The following PTPRD variants were observed in gnomAD, a reference collection of about 807,000 sequenced individuals.
PTPRD encodes receptor-type tyrosine-protein phosphatase delta.
A neutral mutation model predicts 214.5 loss-of-function variants in PTPRD; 34 were observed. The observed-to-expected ratio is 0.16, with a 90% confidence interval of 0.12 to 0.21. The LOEUF (loss-of-function observed/expected upper bound fraction) is 0.21, where lower values mean the gene tolerates loss of function less well. Among genes scored for constraint, PTPRD ranks in the 10% least tolerant of loss-of-function variants. PTPRD has a pLI of 1.00. For synonymous variants in PTPRD, 1,128 were observed against 845.7 expected (o/e 1.33, Z -5.79); for missense variants, 2,545 against 2,398.7 (o/e 1.06, Z -1.27).
chr9:9,225,964 T>C (rs1357212655), intron 9 of PTPRD, among the ~76,000 whole-genome samples: 2 of 152,028 alleles, frequency 1.3e-5, no homozygotes. Flanking sequence ...AATATATTTT[T>C]TGTTTTCAGG....
chr9:9,339,572 C>T (rs528118421), intron 9 of PTPRD, among the ~76,000 whole-genome samples: 1 of 152,276 alleles, frequency 6.6e-6, no homozygotes, highest in South Asian at 2.1e-4. Flanking sequence ...ATAGTCCTAA[C>T]TCACAGTTGT....
intron 3 of PTPRD, among the ~76,000 whole-genome samples, chr9:10,124,176 T>C (rs1320497519): frequency 6.6e-6 from 1 of 152,206 alleles, no homozygotes. Context: ...TGATTTGTTA[T>C]ATCATTTGTT....
At chr9:9,776,392 G>A (rs2098799034) in intron 5 of PTPRD, among the ~76,000 whole-genome samples, 1 of 151,742 alleles carries the variant, frequency 6.6e-6, no homozygotes, top group African/African-American at 2.4e-5. Context: ...TCCTGCAATT[G>A]TTGCTTTACT....
intron 9 of PTPRD, among the ~76,000 whole-genome samples, chr9:9,390,200 G>C (rs2065313613): frequency 6.6e-6 from 1 of 152,124 alleles, no homozygotes; most frequent in Non-Finnish European, 1.5e-5. Context: ...AGTGAAAGAG[G>C]AAGATGGAGG....
chr9:8,900,496 G>C (rs1316828461), intron 11 of PTPRD, among the ~76,000 whole-genome samples: 4 of 152,154 alleles, frequency 2.6e-5, no homozygotes, highest in African/African-American at 7.2e-5. Context: ...TTCATTTTCA[G>C]AACTACACTA....
At chr9:10,435,407 CAGAA>C (rs1352338783) in intron 2 of PTPRD, among the ~76,000 whole-genome samples, 1 of 151,796 alleles carries the variant, frequency 6.6e-6, no homozygotes, top group African/African-American at 2.4e-5. Context: ...TTCAATTTCA[CAGAA>C]AGAAATCAAA....
At chr9:8,934,464 A>AATGT (rs1567099049) in intron 11 of PTPRD, among the ~76,000 whole-genome samples, 892 of 11,054 alleles carry the variant, frequency 0.081, 52 homozygotes, top group Non-Finnish European at 0.12. Flanking sequence ...TATATATATA[A>AATGT]ATATATATAT....
intron 11 of PTPRD, among the ~76,000 whole-genome samples, chr9:8,886,991 A>G (rs552656246): frequency 2.0e-5 from 3 of 152,338 alleles, no homozygotes; most frequent in African/African-American, 7.2e-5. Context: ...GGCACTGGAC[A>G]TTGGGCTAAG....
At chr9:9,810,436 G>C (rs534927483) in intron 5 of PTPRD, among the ~76,000 whole-genome samples, 1 of 151,968 alleles carries the variant, frequency 6.6e-6, no homozygotes, top group East Asian at 1.9e-4. Flanking sequence ...GTGACCATAG[G>C]TTGAATCCAA....
intron 12 of PTPRD, among the ~76,000 whole-genome samples, chr9:8,695,464 A>G (rs2097892507): frequency 6.6e-6 from 1 of 151,434 alleles, no homozygotes. Context: ...GGTCAATGTT[A>G]TAGGCAAGCA....
At chr9:8,357,670 G>C (rs1191452971) in intron 39 of PTPRD, among the ~76,000 whole-genome samples, 1 of 152,084 alleles carries the variant, frequency 6.6e-6, no homozygotes, top group East Asian at 1.9e-4. Flanking sequence ...ACGCTATATG[G>C]TGCATCCCTT....
intron 4 of PTPRD, among the ~76,000 whole-genome samples, chr9:9,980,691 C>T (rs1384167654): frequency 2.8e-5 from 3 of 106,632 alleles, no homozygotes; most frequent in Admixed American, 1.1e-4. Flanking sequence ...TCTCTGAAAG[C>T]TTCACAGAAA....
chr9:10,454,594 A>G (rs2098890617), intron 2 of PTPRD, among the ~76,000 whole-genome samples: 1 of 151,672 alleles, frequency 6.6e-6, no homozygotes, highest in Admixed American at 6.6e-5. Flanking sequence ...CTTCCACCTT[A>G]AACATATTCC....
At chr9:8,894,313 C>T (rs1030862338) in intron 11 of PTPRD, among the ~76,000 whole-genome samples, 3 of 112,106 alleles carry the variant, frequency 2.7e-5, no homozygotes, top group Non-Finnish European at 4.5e-5. Flanking sequence ...CAACATCACC[C>T]CACTGCATTC....
intron 5 of PTPRD, among the ~76,000 whole-genome samples, chr9:9,848,432 C>G (rs968691059): frequency 2.0e-5 from 3 of 151,962 alleles, no homozygotes; most frequent in African/African-American, 7.3e-5. Flanking sequence ...TAGAAAAGAA[C>G]AAATAGGGAT....
intron 3 of PTPRD, among the ~76,000 whole-genome samples, chr9:10,043,947 T>A (rs990067802): frequency 6.6e-6 from 1 of 151,892 alleles, no homozygotes; most frequent in African/African-American, 2.4e-5. Flanking sequence ...TTCTGATTAC[T>A]GGCTATTTTT....
At chr9:8,410,828 A>G (rs146952216) in intron 35 of PTPRD, among the ~76,000 whole-genome samples, 302 of 152,308 alleles carry the variant, frequency 2.0e-3, no homozygotes, top group African/African-American at 6.5e-3. Flanking sequence ...AATTACTTAA[A>G]GTAATAATAT....
At chr9:10,340,782 G>C (rs2096924276) in intron 3 of PTPRD, among the ~76,000 whole-genome samples, 181 bp downstream of exon 3, 1 of 151,896 alleles carries the variant, frequency 6.6e-6, no homozygotes, top group South Asian at 2.1e-4. Flanking sequence ...TTTCTCCAAA[G>C]TGTATAGCAA....
intron 2 of PTPRD, among the ~76,000 whole-genome samples, chr9:10,419,707 A>G (rs924603955): frequency 1.3e-5 from 2 of 151,784 alleles, no homozygotes; most frequent in South Asian, 4.1e-4. Context: ...AAGAGGTCCA[A>G]TTAGGATTTA....
Sources: allele counts gnomAD v4.1 joint callset (sites outside exome capture counted in the v4.1 genomes callset), GRCh38; gene constraint gnomAD v4.1.1; transcripts MANE v1.5; gene names NCBI Gene and HGNC (gene_info 2026-07-23, HGNC 2026-07-21).